Variants in RPA4 observed in about 807,000 individuals in gnomAD.
RPA4 encodes replication protein A 30 kDa subunit.
For synonymous variants in RPA4, 88 were observed against 84.4 expected (o/e 1.04, Z -0.23); for missense variants, 229 against 215.5 (o/e 1.06, Z -0.39).
In RPA4 at chrX:96,885,376, T is replaced by G; in HGVS notation, c.*280T>G. ...GAAAAACTACAGAAAATGTAGAAAT[T>G]TATTATTTAATTGTGTTGGAGCTTC... On this transcript the variant is annotated 3_prime_UTR_variant, in exon 1 of 1. Coordinates refer to ENST00000373040, the MANE Select transcript of RPA4 (RefSeq NM_013347.4). 4.5e-6 allele frequency: 1 copy of G among 221,412 alleles called. No individual in the cohort carries two copies. The highest frequency in any genetic ancestry group is 8.5e-6 in the Non-Finnish European group (1 of 117,881). The allele number at this position is 221,412 out of a possible 1,213,427, so 18.2% of individuals were successfully genotyped here.
At position 96,884,011 on chromosome X, in the gene RPA4, C is replaced by T; in HGVS notation, c.-300C>T. The T allele has an allele frequency of 4.3e-6, 1 of 233,896 alleles. No individual in the cohort carries two copies. The allele number at this position is 233,896 out of a possible 1,213,427, so 19.3% of individuals were successfully genotyped here. A position where few individuals can be genotyped will look rare whatever the true frequency, so the allele number is the denominator to read the frequency against. On this transcript the variant is annotated 5_prime_UTR_variant, in exon 1 of 1. Transcript: ENST00000373040. ...CTTTGACCAGCTAAGCAACAGGGCTCCCCTCGTGTGGGACTTTTAGAATGT... is the reference window on the plus strand; with the variant it reads ...CTTTGACCAGCTAAGCAACAGGGCTTCCCTCGTGTGGGACTTTTAGAATGT...
In RPA4 at chrX:96,884,188, C is replaced by T; in HGVS notation, c.-123C>T. 1.9e-6 allele frequency: 1 copy of T among 535,107 alleles called. No individual in the cohort carries two copies. The highest frequency in any genetic ancestry group is 3.0e-6 in the Non-Finnish European group (1 of 336,976). 44.1% of individuals were successfully genotyped at this position (535,107 alleles called of 1,213,427 possible). A position where few individuals can be genotyped will look rare whatever the true frequency, so the allele number is the denominator to read the frequency against. ...TCAGCCTCCCAGCATTCAATCGTAG[C>T]CTTTCGGACAGCTCGAAGCCTTCTG... On this transcript the variant is annotated 5_prime_UTR_variant, in exon 1 of 1. Coordinates refer to ENST00000373040, the MANE Select transcript of RPA4 (RefSeq NM_013347.4).
Position 96,885,197 on chromosome X carries a change from C to A in RPA4, c.*101C>A. 1 of 674,439 alleles carries A rather than the reference C, an allele frequency of 1.5e-6. No individual in the cohort carries two copies. The highest frequency in any genetic ancestry group is 2.2e-6 in the Non-Finnish European group (1 of 448,481). 55.6% of individuals were successfully genotyped at this position (674,439 alleles called of 1,213,427 possible). ...AGGAAGTAGGACTAAAAAAAAAAATCTCAAGTGGCATTCTTTGTCAACTCG... is the reference window on the plus strand; with the variant it reads ...AGGAAGTAGGACTAAAAAAAAAAATATCAAGTGGCATTCTTTGTCAACTCG... On this transcript the variant is annotated 3_prime_UTR_variant, in exon 1 of 1. Transcript: ENST00000373040.
At position 96,885,211 on chromosome X, in the gene RPA4, T is replaced by G. The variant is rs936275504; in HGVS notation, c.*115T>G. On this transcript the variant is annotated 3_prime_UTR_variant, in exon 1 of 1. Transcript: ENST00000373040. ...AAAAAAAAAATCTCAAGTGGCATTC[T>G]TTGTCAACTCGCTGCTTTTCTAACT... 1.5e-4 allele frequency: 92 copies of G among 601,499 alleles called. No individual in the cohort carries two copies. The African/African-American group carries it at 1.9e-3, about 13-fold the overall frequency. 49.6% of individuals were successfully genotyped at this position (601,499 alleles called of 1,213,427 possible). A position where few individuals can be genotyped will look rare whatever the true frequency, so the allele number is the denominator to read the frequency against.
Position 96,884,686 on chromosome X carries a change from A to T in RPA4, c.376A>T (p.Lys126Ter). 1.7e-6 allele frequency: 2 copies of T among 1,210,988 alleles called. No individual in the cohort carries two copies. Among genetic ancestry groups the T allele is most frequent in the South Asian group, 3.5e-5 (2 of 56,926 alleles). Residue 126 changes from lysine (K) to a stop codon, truncating the protein, a stop_gained, in exon 1 of 1, where the codon AAA (lysine) becomes TAA (stop). Transcript: ENST00000373040. LOFTEE classifies it low-confidence loss of function (END_TRUNC). ...TCCATTGTCAGTCGGAGTATATGTC[A>T]AAGTGTTTGGTATCCTCAAATGTCC... is the stretch of plus-strand genomic sequence containing the variant. ...VTPLSVGVYV[K>*]VFGILKCPTG... is the part of the protein sequence containing the mutation.
rs779282598 is a variant in RPA4 at position 96,884,453 on chromosome X, C to T, written c.143C>T (p.Pro48Leu). 6.6e-6 allele frequency: 8 copies of T among 1,208,628 alleles called. No homozygotes were observed. The highest frequency in any genetic ancestry group is 3.0e-5 in the East Asian group (1 of 33,723). ...AAGGTCCGAATTCAGGACGTTGTAC[C>T]GTGTAATGTGAACCAGCTTCTCAGC... Reference protein sequence around the residue: ...RPKVRIQDVVPCNVNQLLSST... With the variant: ...RPKVRIQDVVLCNVNQLLSST... The change falls in exon 1 of 1, where the codon CCG (proline) becomes CTG (leucine). Residue 48 changes from proline (P) to leucine (L), a missense_variant. Coordinates refer to ENST00000373040, the MANE Select transcript of RPA4 (RefSeq NM_013347.4).
chrX:96,884,966 G>T lies in RPA4; in HGVS notation c.656G>T (p.Ser219Ile). 1.1e-5 allele frequency: 13 copies of T among 1,211,082 alleles called. No homozygotes were observed. Among genetic ancestry groups the T allele is most frequent in the Non-Finnish European group, 1.5e-5 (13 of 895,294 alleles). The stretch of plus-strand genomic sequence containing the variant: ...GAGTGTCCTCATCAGGAAGGGAAGA[G>T]CATCCATGAGCTCCGGGCTCAGCTC... ...IHECPHQEGK[S>I]IHELRAQLCD... Residue 219 changes from serine to isoleucine, a missense_variant, in exon 1 of 1, where the codon AGC becomes ATC. By Grantham distance (142) the Ser-to-Ile change is moderately radical. Transcript: ENST00000373040.
Position 96,884,775 on chromosome X carries a change from C to A in RPA4, c.465C>A (p.Thr155=). 1 of 1,210,207 alleles carries A rather than the reference C, an allele frequency of 8.3e-7. No individual in the cohort carries two copies. The highest frequency in any genetic ancestry group is 1.8e-5 in the South Asian group (1 of 56,871). The change falls in exon 1 of 1, where the codon ACC becomes ACA. Residue 155 remains threonine (T), a synonymous_variant. Transcript: ENST00000373040. ...TCCTAGAGGACATGAACGAGTTCAC[C>A]GTGCATATTCTGGAAACGGTCAATG... ...IHVLEDMNEF[T]VHILETVNAH... is the part of the protein sequence containing the mutation.
Position 96,884,183 on chromosome X carries a change from C to T in RPA4, c.-128C>T. 2.0e-6 allele frequency: 1 copy of T among 512,435 alleles called. No homozygotes were observed. The highest frequency in any genetic ancestry group is 4.0e-5 in the Admixed American group (1 of 25,196). The allele number at this position is 512,435 out of a possible 1,213,427, so 42.2% of individuals were successfully genotyped here. On this transcript the variant is annotated 5_prime_UTR_variant, in exon 1 of 1. Transcript: ENST00000373040. ...CGTCCTCAGCCTCCCAGCATTCAAT[C>T]GTAGCCTTTCGGACAGCTCGAAGCC... is the stretch of plus-strand genomic sequence containing the variant.
In RPA4 at chrX:96,884,400, A is replaced by G; in HGVS notation, c.90A>G (p.Ala30=). The change falls in exon 1 of 1, where the codon GCA becomes GCG. Residue 30 remains alanine (A), a synonymous_variant. Coordinates refer to ENST00000373040, the MANE Select transcript of RPA4 (RefSeq NM_013347.4). ...GTGACCAACTGTGTGAGAGAGATGC[A>G]ACTCCTGCTATTAAGACCCAAAGAC... ...GGSDQLCERD[A]TPAIKTQRPK... is the part of the protein sequence containing the mutation. The G allele has an allele frequency of 5.8e-6, 7 of 1,210,240 alleles. No individual in the cohort carries two copies. The highest frequency in any genetic ancestry group is 7.8e-6 in the Non-Finnish European group (7 of 894,583).
Position 96,884,837 on chromosome X carries a change from C to A in RPA4, c.527C>A (p.Thr176Asn). ...MMLDKARRDTTVESVPVSPSE... is the reference protein window; with the variant it reads ...MMLDKARRDTNVESVPVSPSE... ...CTGGATAAAGCCCGTCGTGATACCA[C>A]TGTAGAAAGTGTGCCTGTGTCTCCA... Residue 176 changes from threonine (T) to asparagine (N), a missense_variant, in exon 1 of 1, where the codon ACT becomes AAT. By Grantham distance (65) the Thr-to-Asn change is moderately conservative. Coordinates refer to ENST00000373040, the MANE Select transcript of RPA4 (RefSeq NM_013347.4). 1 of 1,211,455 alleles carries A rather than the reference C, an allele frequency of 8.3e-7. No individual in the cohort carries two copies. Among genetic ancestry groups the A allele is most frequent in the Non-Finnish European group, 1.1e-6 (1 of 895,339 alleles).
In RPA4 at chrX:96,884,851, C is replaced by A. The variant is rs758918264; in HGVS notation, c.541C>A (p.Pro181Thr). 174 of 1,208,611 alleles carry A rather than the reference C, an allele frequency of 1.4e-4. No individual in the cohort carries two copies. The highest frequency in any genetic ancestry group is 1.9e-4 in the Non-Finnish European group (167 of 894,647). The change falls in exon 1 of 1, where the codon CCT becomes ACT. Residue 181 changes from proline (P) to threonine (T), a missense_variant. By Grantham distance (38) the Pro-to-Thr change is conservative. Transcript: ENST00000373040. ...TCGTGATACCACTGTAGAAAGTGTG[C>A]CTGTGTCTCCATCAGAAGTGAATGA... ...ARRDTTVESV[P>T]VSPSEVNDAG...
In RPA4 at chrX:96,884,223, C is replaced by G; in HGVS notation, c.-88C>G. ...AGCTCGAAGCCTTCTGTGGAGAGCT[C>G]GAAGCCTTCTGTGGAGAACTCAAAG... is the stretch of plus-strand genomic sequence containing the variant. On this transcript the variant is annotated 5_prime_UTR_variant, in exon 1 of 1. Coordinates refer to ENST00000373040, the MANE Select transcript of RPA4 (RefSeq NM_013347.4). 1 of 803,068 alleles carries G rather than the reference C, an allele frequency of 1.2e-6. No individual in the cohort carries two copies. 66.2% of individuals were successfully genotyped at this position (803,068 alleles called of 1,213,427 possible).
chrX:96,884,671 G>T lies in RPA4; in HGVS notation c.361G>T (p.Val121Phe), dbSNP rs372688483. 1 of 1,207,988 alleles carries T rather than the reference G, an allele frequency of 8.3e-7. No homozygotes were observed. Among genetic ancestry groups the T allele is most frequent in the African/African-American group, 1.8e-5 (1 of 56,704 alleles). ...EKVKQVTPLS[V>F]GVYVKVFGIL... ...AGTCAAGCAGGTGACTCCATTGTCA[G>T]TCGGAGTATATGTCAAAGTGTTTGG... The change falls in exon 1 of 1, where the codon GTC (valine) becomes TTC (phenylalanine). Residue 121 changes from valine to phenylalanine, a missense_variant. Transcript: ENST00000373040.
In RPA4 at chrX:96,884,447, T is replaced by C; in HGVS notation, c.137T>C (p.Val46Ala). ...TQRPKVRIQD[V>A]VPCNVNQLLS... ...AGACCTAAGGTCCGAATTCAGGACGTTGTACCGTGTAATGTGAACCAGCTT... is the reference window on the plus strand; with the variant it reads ...AGACCTAAGGTCCGAATTCAGGACGCTGTACCGTGTAATGTGAACCAGCTT... Residue 46 changes from valine to alanine, a missense_variant, in exon 1 of 1, where the codon GTT becomes GCT. Transcript: ENST00000373040. The C allele has an allele frequency of 8.3e-7, 1 of 1,211,261 alleles. No homozygotes were observed. Among genetic ancestry groups the C allele is most frequent in the Non-Finnish European group, 1.1e-6 (1 of 895,361 alleles).
rs777899567 is a variant in RPA4 at position 96,884,850 on chromosome X, G to GC, written c.542dup (p.Val182CysfsTer8). 1.7e-6 allele frequency: 2 copies of GC among 1,211,240 alleles called. No individual in the cohort carries two copies. The highest frequency in any genetic ancestry group is 1.1e-6 in the Non-Finnish European group (1 of 895,216). The stretch of plus-strand genomic sequence containing the variant: ...GTCGTGATACCACTGTAGAAAGTGT[G>GC]CCTGTGTCTCCATCAGAAGTGAATG... On this transcript the variant is annotated frameshift_variant, in exon 1 of 1. Transcript: ENST00000373040. LOFTEE classifies it low-confidence loss of function (END_TRUNC).
chrX:96,884,892 TGA>T lies in RPA4; in HGVS notation c.586_587del (p.His197ProfsTer14), dbSNP rs2065248468. 2 of 1,211,337 alleles carry T rather than the reference TGA, an allele frequency of 1.7e-6. No homozygotes were observed. Among genetic ancestry groups the T allele is most frequent in the Non-Finnish European group, 1.1e-6 (1 of 895,242 alleles). ...SEVNDAGDND[E>X]SHRNFIQDEV... ...AAGTGAATGATGCTGGGGATAACGA[TGA>T]GAGTCACCGCAATTTCATCCAGGAC... On this transcript the variant is annotated frameshift_variant, in exon 1 of 1. Coordinates refer to ENST00000373040, the MANE Select transcript of RPA4 (RefSeq NM_013347.4). LOFTEE classifies it low-confidence loss of function (END_TRUNC).
chrX:96,884,408 C>T lies in RPA4; in HGVS notation c.98C>T (p.Ala33Val). 1 of 1,210,107 alleles carries T rather than the reference C, an allele frequency of 8.3e-7. No homozygotes were observed. ...CTGTGTGAGAGAGATGCAACTCCTG[C>T]TATTAAGACCCAAAGACCTAAGGTC... ...DQLCERDATP[A>V]IKTQRPKVRI... is the part of the protein sequence containing the mutation. The change falls in exon 1 of 1, where the codon GCT (alanine) becomes GTT (valine). Residue 33 changes from alanine to valine, a missense_variant. Transcript: ENST00000373040.
rs1362272238 is a variant in RPA4 at position 96,884,246 on chromosome X, A to G, written c.-65A>G. Reference sequence around the variant, plus strand: ...CTCGAAGCCTTCTGTGGAGAACTCAAAGCCGTCCGTGGAGCCCCAGACGAG... The same window carrying G: ...CTCGAAGCCTTCTGTGGAGAACTCAGAGCCGTCCGTGGAGCCCCAGACGAG... On this transcript the variant is annotated 5_prime_UTR_variant, in exon 1 of 1. Coordinates refer to ENST00000373040, the MANE Select transcript of RPA4 (RefSeq NM_013347.4). 1 of 1,038,288 alleles carries G rather than the reference A, an allele frequency of 9.6e-7. No individual in the cohort carries two copies. The highest frequency in any genetic ancestry group is 1.3e-6 in the Non-Finnish European group (1 of 765,749). The allele number at this position is 1,038,288 out of a possible 1,213,427, so 85.6% of individuals were successfully genotyped here. A position where few individuals can be genotyped will look rare whatever the true frequency, so the allele number is the denominator to read the frequency against.
Sources: allele counts gnomAD v4.1 joint callset, GRCh38; gene constraint gnomAD v4.1.1; transcripts MANE v1.5; gene names NCBI Gene and HGNC (gene_info 2026-07-23, HGNC 2026-07-21).